GSK3B: variants seen among roughly 807,000 people sequenced by gnomAD.
GSK3B encodes the protein glycogen synthase kinase 3 beta.
Under a neutral mutation model 56.4 loss-of-function variants are expected in GSK3B, and 15 were observed. The observed-to-expected ratio is 0.27, with a 90% CI of 0.18 to 0.41. The LOEUF is 0.41. GSK3B is among the 10% of genes least tolerant of loss of function. The pLI, the probability that GSK3B is intolerant of heterozygous loss-of-function variation, is 1.00. For missense variants in GSK3B, 300 were observed against 513.4 expected, an observed-to-expected ratio of 0.58 and a Z score of 4.02; for synonymous variants, 181 against 188.9, an observed-to-expected ratio of 0.96 and a Z score of 0.34.
chr3:119,984,330 A>T (rs537078048), intron 2 of GSK3B, among the ~76,000 whole-genome samples: 8 of 152,096 alleles, frequency 5.3e-5, no homozygotes, highest in Non-Finnish European at 7.4e-5. Flanking sequence ...TTCAAAAGCT[A>T]GCAAAAGGCA....
intron 9 of GSK3B, among the ~76,000 whole-genome samples, chr3:119,849,669 T>C (rs1272941053): frequency 1.3e-5 from 2 of 152,178 alleles, no homozygotes; most frequent in African/African-American, 4.8e-5. Context: ...ATATGTAATG[T>C]ATAGTCAGCT....
chr3:119,880,061 C>T (rs2056362937), intron 7 of GSK3B, among the ~76,000 whole-genome samples: 1 of 152,068 alleles, frequency 6.6e-6, no homozygotes, highest in South Asian at 2.1e-4. Flanking sequence ...TCCATGGAAG[C>T]AGTACTAACT....
intron 1 of GSK3B, among the ~76,000 whole-genome samples, chr3:120,087,488 CG>C (rs1427491670): frequency 2.6e-5 from 4 of 151,558 alleles, no homozygotes; most frequent in Non-Finnish European, 5.9e-5. Flanking sequence ...GCCCAGATCA[CG>C]CCATGGCACT....
intron 2 of GSK3B, among the ~76,000 whole-genome samples, chr3:119,991,059 T>C (rs1346612966): frequency 2.0e-5 from 3 of 152,190 alleles, no homozygotes; most frequent in African/African-American, 2.4e-5. Flanking sequence ...GGCAGGAGAC[T>C]TGAAACCTAT....
At chr3:119,938,646 C>T (rs1022754799) in intron 3 of GSK3B, among the ~76,000 whole-genome samples, 12 of 151,996 alleles carry the variant, frequency 7.9e-5, no homozygotes, top group Admixed American at 2.6e-4. Flanking sequence ...ATATCATATA[C>T]GTAATTAATG....
intron 9 of GSK3B, among the ~76,000 whole-genome samples, chr3:119,846,719 A>C (rs1030140239): frequency 6.6e-6 from 1 of 152,198 alleles, no homozygotes; most frequent in Non-Finnish European, 1.5e-5. Context: ...ATTGTGGAAG[A>C]TAGTGTGGCA....
At chr3:119,900,448 G>A (rs1190592943) in intron 7 of GSK3B, among the ~76,000 whole-genome samples, 3 of 152,046 alleles carry the variant, frequency 2.0e-5, no homozygotes, top group Non-Finnish European at 2.9e-5. Flanking sequence ...TTAGTTTTGT[G>A]ATAGTTTAAT....
In GSK3B at chr3:119,823,835, A is replaced by C. The variant is rs1335897475; in HGVS notation, c.*2953T>G. 5.0e-6 allele frequency: 1 copy of C among 200,502 alleles called. No individual in the cohort carries two copies. Among genetic ancestry groups the C allele is most frequent in the Non-Finnish European group, 1.0e-5 (1 of 97,318 alleles). 12.4% of individuals were successfully genotyped at this position (200,502 alleles called of 1,614,324 possible). On this transcript the variant is annotated 3_prime_UTR_variant, in exon 11 of 11. Transcript: ENST00000264235. ...TGGAAGGGGCAAAGATACTGTTATG[A>C]GTGAGTTATTATTTCAAAGGGAAAG... is the stretch of plus-strand genomic sequence containing the variant.
intron 7 of GSK3B, among the ~76,000 whole-genome samples, chr3:119,876,712 G>C (rs1374179678): frequency 2.6e-5 from 4 of 152,168 alleles, no homozygotes; most frequent in Non-Finnish European, 5.9e-5. Flanking sequence ...ACAGTGTTGA[G>C]AGGTGGGATG....
At position 119,876,539 on chromosome 3, in the gene GSK3B, T is replaced by A. The variant is rs765995720; in HGVS notation, c.814-31A>T. The A allele has an allele frequency of 1.0e-5, 12 of 1,187,162 alleles. No homozygotes were observed. The South Asian group carries it at 1.5e-4, about 15-fold the overall frequency. 73.5% of individuals were successfully genotyped at this position (1,187,162 alleles called of 1,614,324 possible). On this transcript the variant is annotated intron_variant, in intron 7 of 10. Transcript: ENST00000264235. ...AAGAAAGCAAGTTATTGCCATCTTT[T>A]CCTATATATTTACAAATTTAGTCTC...
chr3:119,913,637 CA>C (rs2107455459), intron 5 of GSK3B, among the ~76,000 whole-genome samples: 1 of 150,658 alleles, frequency 6.6e-6, no homozygotes, highest in African/African-American at 2.4e-5. Flanking sequence ...GCAACAAAAT[CA>C]AAACAGTAAA....
intron 7 of GSK3B, among the ~76,000 whole-genome samples, chr3:119,886,940 T>G (rs1158783498): frequency 6.6e-6 from 1 of 152,002 alleles, no homozygotes; most frequent in Non-Finnish European, 1.5e-5. Context: ...CATTCATACC[T>G]CAAACCTCAG....
intron 8 of GSK3B, among the ~76,000 whole-genome samples, chr3:119,875,452 T>G (rs895433618): frequency 6.6e-6 from 1 of 151,592 alleles, no homozygotes; most frequent in East Asian, 1.9e-4. Context: ...ATACAGTAAG[T>G]CTCTCCTTAA....
At chr3:119,857,865 G>A (rs1285469802) in intron 9 of GSK3B, among the ~76,000 whole-genome samples, 1 of 152,160 alleles carries the variant, frequency 6.6e-6, no homozygotes, top group African/African-American at 2.4e-5. Flanking sequence ...TGATCCATGG[G>A]CTGCAGAAAT....
rs541955106 is a variant in GSK3B at position 120,060,065 on chromosome 3, C to T, written c.88+33282G>A. On this transcript the variant is annotated intron_variant, in intron 1 of 10. Coordinates refer to ENST00000264235, the MANE Select transcript of GSK3B (RefSeq NM_001146156.2). ...TGAACTACACAGGCATTACCCTGAA[C>T]TCTGGGAATACACAATGAACCACAC... 1.1e-4 allele frequency among the ~76,000 whole-genome samples: 17 copies of T among 152,304 alleles called. No individual in the cohort carries two copies. In the East Asian group the frequency reaches 3.1e-3, roughly 28 times the overall value.
rs1162496165 is a variant in GSK3B, at chr3:119,856,697, C to T, written c.1096+6722G>A. 4.6e-4 allele frequency among the ~76,000 whole-genome samples: 70 copies of T among 152,112 alleles called. 1 individual carries two copies. Among genetic ancestry groups the T allele is most frequent in the Admixed American group, 4.6e-3 (70 of 15,264 alleles). On this transcript the variant is annotated intron_variant, in intron 9 of 10. Transcript: ENST00000264235. ...TTGCCCAGAAGAGTATACCTGATTACATAGAAATTTTACTCTTCTAGATTA... is the reference window on the plus strand; with the variant it reads ...TTGCCCAGAAGAGTATACCTGATTATATAGAAATTTTACTCTTCTAGATTA...
chr3:119,867,141 G>GT (rs1308760295), intron 8 of GSK3B, among the ~76,000 whole-genome samples: 7 of 152,098 alleles, frequency 4.6e-5, no homozygotes, highest in Non-Finnish European at 7.4e-5. Context: ...TTTTTGCTAA[G>GT]TTATTAGTGA....
At chr3:119,879,675 T>C (rs2056357219) in intron 7 of GSK3B, among the ~76,000 whole-genome samples, 1 of 152,140 alleles carries the variant, frequency 6.6e-6, no homozygotes, top group Non-Finnish European at 1.5e-5. Flanking sequence ...TAACCATCAT[T>C]CTACTCCCTA....
chr3:120,058,482 G>C (rs1460985923), intron 1 of GSK3B, among the ~76,000 whole-genome samples: 1 of 152,010 alleles, frequency 6.6e-6, no homozygotes, highest in East Asian at 1.9e-4. Context: ...TGGAGTTATA[G>C]AGTCTCCTGA....
Sources: allele counts gnomAD v4.1 joint callset (sites outside exome capture counted in the v4.1 genomes callset), GRCh38; gene constraint gnomAD v4.1.1; transcripts MANE v1.5; gene names NCBI Gene and HGNC (gene_info 2026-07-23, HGNC 2026-07-21).